GALNT13: variants seen among roughly 807,000 people sequenced by gnomAD.
GALNT13 encodes the protein polypeptide N-acetylgalactosaminyltransferase 13.
GALNT13 carries 28 observed loss-of-function variants against 64.2 expected under a neutral mutation model. That is an observed-to-expected ratio of 0.44 (90% CI 0.32 to 0.60). The LOEUF (loss-of-function observed/expected upper bound fraction) is 0.60, where lower values mean the gene tolerates loss of function less well. Among genes scored for constraint, GALNT13 ranks in the 20% least tolerant of loss-of-function variants. The probability of loss-of-function intolerance (pLI) is 0.05; values close to 1 mark genes in which losing one functional copy is unlikely to be tolerated. For synonymous variants in GALNT13, 214 were observed against 224.6 expected, an observed-to-expected ratio of 0.95 and a Z score of 0.42; for missense variants, 577 against 669.8, an observed-to-expected ratio of 0.86 and a Z score of 1.53.
At chr2:153,201,781 G>A in the GALNT13 span, 26 of 152,062 alleles carry the variant, frequency 1.7e-4, no homozygotes, top group African/African-American at 6.3e-4. Flanking sequence ...CTATCTTGTT[G>A]TTGTCCTGGT....
At chr2:154,267,898 A>G (rs1691107760) in intron 8 of GALNT13, among the ~76,000 whole-genome samples, 1 of 152,226 alleles carries the variant, frequency 6.6e-6, no homozygotes. Flanking sequence ...AATCCTCAGC[A>G]GTTAGTGGGG....
At chr2:153,405,166 A>G in the GALNT13 span, among the ~76,000 whole-genome samples, 9 of 152,238 alleles carry the variant, frequency 5.9e-5, no homozygotes, top group African/African-American at 2.2e-4. Context: ...ATATAAATAT[A>G]CATTTGCTGG....
At chr2:153,719,362 C>T in the GALNT13 span, among the ~76,000 whole-genome samples, 3 of 152,318 alleles carry the variant, frequency 2.0e-5, no homozygotes, top group East Asian at 1.9e-4. Context: ...TTGACACTGA[C>T]TGAAAGGTAC....
chr2:153,255,979 C>A, the GALNT13 span, among the ~76,000 whole-genome samples: 1 of 152,056 alleles, frequency 6.6e-6, no homozygotes, highest in Non-Finnish European at 1.5e-5. Context: ...ATCTTTGTGG[C>A]GTTCTCTGTA....
chr2:153,127,872 C>A, the GALNT13 span, among the ~76,000 whole-genome samples: 1 of 152,110 alleles, frequency 6.6e-6, no homozygotes, highest in Non-Finnish European at 1.5e-5. Flanking sequence ...CTTAAAGTTC[C>A]TTTGACCACT....
the GALNT13 span, among the ~76,000 whole-genome samples, chr2:153,795,067 A>C: frequency 6.6e-6 from 1 of 152,196 alleles, no homozygotes; most frequent in Admixed American, 6.5e-5. Flanking sequence ...TTTGGCTTTC[A>C]GCTGAGCCGG....
the GALNT13 span, among the ~76,000 whole-genome samples, chr2:153,157,573 TATAAC>T: frequency 6.6e-6 from 1 of 152,218 alleles, no homozygotes; most frequent in Non-Finnish European, 1.5e-5. Flanking sequence ...CTCACCATCT[TATAAC>T]ATAAAGTTTA....
At chr2:154,131,744 A>G (rs550084746) in intron 3 of GALNT13, among the ~76,000 whole-genome samples, 1 of 152,340 alleles carries the variant, frequency 6.6e-6, no homozygotes, top group Non-Finnish European at 1.5e-5. Flanking sequence ...TTATTAAGGA[A>G]TATTGATTCA....
intron 4 of GALNT13, among the ~76,000 whole-genome samples, chr2:154,181,838 C>G (rs1046162422): frequency 6.6e-6 from 1 of 151,822 alleles, no homozygotes; most frequent in Non-Finnish European, 1.5e-5. Flanking sequence ...AGTATCTAAG[C>G]TAATATTACA....
At chr2:153,505,648 T>C in the GALNT13 span, among the ~76,000 whole-genome samples, 1 of 152,116 alleles carries the variant, frequency 6.6e-6, no homozygotes, top group East Asian at 1.9e-4. Flanking sequence ...AATTTCTATA[T>C]ATATATATGC....
At chr2:154,407,704 C>T (rs1699613426) in intron 10 of GALNT13, among the ~76,000 whole-genome samples, 1 of 151,988 alleles carries the variant, frequency 6.6e-6, no homozygotes, top group Non-Finnish European at 1.5e-5. Context: ...TATGAAAACA[C>T]ATATAACTCT....
the GALNT13 span, among the ~76,000 whole-genome samples, chr2:153,485,072 C>G: frequency 6.6e-6 from 1 of 152,178 alleles, no homozygotes; most frequent in African/African-American, 2.4e-5. Context: ...TTTGAAGTTG[C>G]ATGTTAGTAT....
the GALNT13 span, among the ~76,000 whole-genome samples, chr2:153,702,312 A>G: frequency 2.0e-5 from 3 of 152,104 alleles, no homozygotes; most frequent in African/African-American, 7.2e-5. Context: ...ACATGAACCC[A>G]GGGAGGGGAA....
At chr2:154,413,808 A>G (rs1410634001) in intron 11 of GALNT13, among the ~76,000 whole-genome samples, 1 of 152,058 alleles carries the variant, frequency 6.6e-6, no homozygotes, top group African/African-American at 2.4e-5. Flanking sequence ...CCTAAACAGG[A>G]CACATTTTTA....
chr2:153,789,606 A>G, the GALNT13 span, among the ~76,000 whole-genome samples: 8 of 152,170 alleles, frequency 5.3e-5, no homozygotes, highest in Admixed American at 4.6e-4. Flanking sequence ...GTTGAACTGA[A>G]GATCAAGGCA....
the GALNT13 span, among the ~76,000 whole-genome samples, chr2:153,256,372 A>T: frequency 1.3e-5 from 2 of 151,892 alleles, no homozygotes; most frequent in Admixed American, 6.6e-5. Context: ...ATTCGTCTAA[A>T]TTTTTTTCAA....
chr2:153,927,504 TTA>T (rs1690230011), intron 2 of GALNT13, among the ~76,000 whole-genome samples: 1 of 151,990 alleles, frequency 6.6e-6, no homozygotes, highest in Non-Finnish European at 1.5e-5. Flanking sequence ...TATTAATGGA[TTA>T]TACACTCCAT....
the GALNT13 span, among the ~76,000 whole-genome samples, chr2:153,561,052 C>T: frequency 6.6e-6 from 1 of 151,966 alleles, no homozygotes; most frequent in East Asian, 1.9e-4. Flanking sequence ...ATTTATTACT[C>T]TTATTTTATT....
At chr2:154,112,565 A>G (rs983130892) in intron 3 of GALNT13, among the ~76,000 whole-genome samples, 20 of 152,174 alleles carry the variant, frequency 1.3e-4, no homozygotes, top group African/African-American at 4.3e-4. Flanking sequence ...CATGTCCTTG[A>G]CCATCCAGCC....
Sources: allele counts gnomAD v4.1 joint callset (sites outside exome capture counted in the v4.1 genomes callset), GRCh38; gene constraint gnomAD v4.1.1; transcripts MANE v1.5; gene names NCBI Gene and HGNC (gene_info 2026-07-23, HGNC 2026-07-21).